Variants in GSE1 observed in about 807,000 individuals in gnomAD.
The protein encoded by GSE1 is Gse1 coiled-coil protein.
GSE1 carries 32 observed loss-of-function variants against 112.6 expected under a neutral mutation model. The observed-to-expected ratio is 0.28, with a 90% CI of 0.21 to 0.38. The LOEUF (loss-of-function observed/expected upper bound fraction) is 0.38, where lower values mean the gene tolerates loss of function less well. Ranked by LOEUF, GSE1 falls within the 10% of genes least tolerant of loss-of-function variation. GSE1 has a pLI of 1.00. For missense variants in GSE1, 2,348 were observed against 1,699.2 expected (o/e 1.38, Z -6.71); for synonymous variants, 1,115 against 735.6 (o/e 1.52, Z -8.35).
rs540094082 is a variant in GSE1, at chr16:85,422,637, C to T, written c.2464+64994C>T. ...AGAGAAAGGGGCAGGAGAGAGGGGG[C>T]GTTCTGGCCGCAAGAAGCGGCATTC... On this transcript the variant is annotated intron_variant, in intron 2 of 2. Transcript: ENST00000637419. Among the ~76,000 whole-genome samples, 14 of 149,896 alleles carry T rather than the reference C, an allele frequency of 9.3e-5. No individual in the cohort carries two copies. In the South Asian group the frequency reaches 1.5e-3, roughly 16 times the overall value.
chr16:85,223,845 T>C (rs1449600222), intron 1 of GSE1, among the ~76,000 whole-genome samples: 1 of 152,096 alleles, frequency 6.6e-6, no homozygotes, highest in African/African-American at 2.4e-5. Context: ...TCTCAAGCGA[T>C]CCACCCATCT....
At chr16:85,424,691 C>T (rs1010261779) in intron 2 of GSE1, among the ~76,000 whole-genome samples, 4 of 152,256 alleles carry the variant, frequency 2.6e-5, no homozygotes, top group Admixed American at 2.0e-4. Context: ...CCCTCGGAAT[C>T]GCTAATGTTC....
chr16:85,602,343 G>A (rs896544817), intron 1 of GSE1, among the ~76,000 whole-genome samples: 2 of 152,180 alleles, frequency 1.3e-5, no homozygotes, highest in Non-Finnish European at 2.9e-5. Flanking sequence ...AAAGAACTTC[G>A]AAGGCTTTTA....
intron 1 of GSE1, among the ~76,000 whole-genome samples, chr16:85,326,838 C>T (rs1162850065): frequency 6.6e-6 from 1 of 152,238 alleles, no homozygotes; most frequent in Non-Finnish European, 1.5e-5. Flanking sequence ...GGGTCCCGAT[C>T]AGTTTAAGAC....
At chr16:85,558,782 G>A (rs771938358) in intron 1 of GSE1, among the ~76,000 whole-genome samples, 5 of 152,322 alleles carry the variant, frequency 3.3e-5, no homozygotes, top group East Asian at 3.9e-4. Context: ...AGGGCTTACC[G>A]GGAAGAACTA....
intron 1 of GSE1, among the ~76,000 whole-genome samples, chr16:85,601,103 G>T (rs1235485556): frequency 6.6e-6 from 1 of 152,080 alleles, no homozygotes; most frequent in Non-Finnish European, 1.5e-5. Flanking sequence ...TAAAGGAGAT[G>T]GGGCTCTGCT....
At chr16:85,447,824 CTCAGT>C (rs1302919645) in intron 2 of GSE1, among the ~76,000 whole-genome samples, 1 of 152,240 alleles carries the variant, frequency 6.6e-6, no homozygotes, top group Non-Finnish European at 1.5e-5. Context: ...TTTCACACAG[CTCAGT>C]GGCCATCTGG....
intron 1 of GSE1, among the ~76,000 whole-genome samples, chr16:85,250,452 C>T (rs1906346597): frequency 1.3e-5 from 2 of 152,168 alleles, no homozygotes; most frequent in African/African-American, 4.8e-5. Context: ...CAGCTGGGGG[C>T]GGAGGCGCCA....
chr16:85,293,031 G>C (rs1055290158), intron 1 of GSE1, among the ~76,000 whole-genome samples: 2 of 152,170 alleles, frequency 1.3e-5, no homozygotes, highest in Non-Finnish European at 2.9e-5. Context: ...GTACGGTTGT[G>C]TGGCCATCAC....
At chr16:85,559,258 A>G (rs1293471009) in intron 1 of GSE1, among the ~76,000 whole-genome samples, 2 of 152,032 alleles carry the variant, frequency 1.3e-5, no homozygotes, top group South Asian at 2.1e-4. Flanking sequence ...CCATCCACCC[A>G]CTTATCAGAT....
At chr16:85,579,245 G>A (rs2151377826) in intron 1 of GSE1, among the ~76,000 whole-genome samples, 1 of 152,214 alleles carries the variant, frequency 6.6e-6, no homozygotes, top group South Asian at 2.1e-4. Context: ...GGTATCAGAG[G>A]GCTCTACCCT....
At chr16:85,533,389 C>T (rs980304899) in intron 2 of GSE1, among the ~76,000 whole-genome samples, 3 of 152,012 alleles carry the variant, frequency 2.0e-5, no homozygotes, top group Admixed American at 1.3e-4. Context: ...CATTGCACTC[C>T]AGCCTGGGCG....
At chr16:85,575,171 GAA>G (rs1460036491) in intron 1 of GSE1, among the ~76,000 whole-genome samples, 1 of 152,198 alleles carries the variant, frequency 6.6e-6, no homozygotes, top group Non-Finnish European at 1.5e-5. Flanking sequence ...ACAGTTTGAA[GAA>G]ATACTGGCAG....
At position 85,336,293 on chromosome 16, in the gene GSE1, T is replaced by G. The variant is rs142069921; in HGVS notation, c.2284-21170T>G. 1.9e-3 allele frequency among the ~76,000 whole-genome samples: 292 copies of G among 152,358 alleles called. 4 individuals are homozygous for G. Among genetic ancestry groups the G allele is most frequent in the African/African-American group, 6.9e-3 (285 of 41,578 alleles). On this transcript the variant is annotated intron_variant, in intron 1 of 2. Transcript: ENST00000637419. ...AGCCTTTGTTCGTTCCCTTGATTAT[T>G]CATTCAACAAATGTTCATGAAGCCT...
chr16:85,498,615 C>G (rs890752912), intron 2 of GSE1, among the ~76,000 whole-genome samples: 5 of 152,182 alleles, frequency 3.3e-5, no homozygotes, highest in African/African-American at 1.2e-4. Flanking sequence ...ATGTACATAC[C>G]ACACACATCC....
At chr16:85,593,263 G>A (rs1023643731) in intron 1 of GSE1, 1 of 152,292 alleles carries the variant, frequency 6.6e-6, no homozygotes, top group African/African-American at 2.4e-5. Flanking sequence ...CCAGCTGGAG[G>A]GACGGGGCCA....
chr16:85,669,944 T>C (rs2053194242), intron 14 of GSE1, among the ~76,000 whole-genome samples: 1 of 152,256 alleles, frequency 6.6e-6, no homozygotes, highest in African/African-American at 2.4e-5. Context: ...TCAGCTGTTT[T>C]TAGCCCATGG....
At chr16:85,195,290 C>A (rs764476847) in intron 1 of GSE1, among the ~76,000 whole-genome samples, 1 of 152,148 alleles carries the variant, frequency 6.6e-6, no homozygotes, top group Non-Finnish European at 1.5e-5. Flanking sequence ...AAACATCTTA[C>A]AAGAAGGATT....
chr16:85,380,931 C>G (rs2047533323), intron 2 of GSE1, among the ~76,000 whole-genome samples: 1 of 152,310 alleles, frequency 6.6e-6, no homozygotes, highest in Non-Finnish European at 1.5e-5. Context: ...ATGCGTGTTA[C>G]TTTAATTTTT....
Sources: allele counts gnomAD v4.1 joint callset (sites outside exome capture counted in the v4.1 genomes callset), GRCh38; gene constraint gnomAD v4.1.1; transcripts MANE v1.5; gene names NCBI Gene and HGNC (gene_info 2026-07-23, HGNC 2026-07-21).